The following MPZ variants were observed in gnomAD, a reference collection of about 807,000 sequenced individuals.
The protein encoded by MPZ is myelin protein zero.
Under a neutral mutation model 27.9 loss-of-function variants are expected in MPZ, and 13 were observed. The ratio of observed to expected loss-of-function variants is 0.47; its 90% CI spans 0.30 to 0.74. The LOEUF is 0.74. MPZ is among the 30% of genes least tolerant of loss of function. The probability of loss-of-function intolerance (pLI) is 0.06; values close to 1 mark genes in which losing one functional copy is unlikely to be tolerated. For missense variants in MPZ, 256 were observed against 317.5 expected, an observed-to-expected ratio of 0.81 and a Z score of 1.47; for synonymous variants, 118 against 128.9, an observed-to-expected ratio of 0.92 and a Z score of 0.57.
chr1:161,307,032 A>AAAAAAAAC, intron 2 of MPZ, 111 bp from the exon 3 acceptor site: 2 of 1,025,154 alleles, frequency 2.0e-6, no homozygotes, highest in Non-Finnish European at 2.8e-6. Flanking sequence ...AAAAAAAAAA[A>AAAAAAAAC]AAAAAAGCTT....
chr1:161,309,552 A>ATATATTTTTTTTTTTTTTTT, intron 1 of MPZ, among the ~76,000 whole-genome samples: 14 of 80,630 alleles, frequency 1.7e-4, no homozygotes, highest in African/African-American at 5.2e-4. Flanking sequence ...ATATATATAT[A>ATATATTTTTTTTTTTTTTTT]TTTTTTTTTT....
chr1:161,306,301 G>C, intron 4 of MPZ, 28 bp downstream of exon 4: 2 of 1,614,058 alleles, frequency 1.2e-6, no homozygotes, highest in South Asian at 1.1e-5. Context: ...TGGGGAGAGG[G>C]GGAGGGGAGC....
Position 161,306,843 on chromosome 1 carries a change from G to T in MPZ, c.313C>A (p.Pro105Thr), listed in dbSNP as rs121913609. The T allele has an allele frequency of 6.2e-7, 1 of 1,613,722 alleles. No homozygotes were observed. Among genetic ancestry groups the T allele is most frequent in the Non-Finnish European group, 8.5e-7 (1 of 1,179,972 alleles). ...ACAATGGAGCCATCCTTCCAGCGAG[G>T]GTCCCCTACCCACTGGATGCGCTCT... is the stretch of plus-strand genomic sequence containing the variant. The part of the protein sequence containing the change: ...FKERIQWVGD[P>T]RWKDGSIVIH... The change falls in exon 3 of 6, where the codon CCT becomes ACT. Residue 105 changes from proline (P) to threonine (T), a missense_variant. By Grantham distance (38) the Pro-to-Thr change is conservative. Coordinates refer to ENST00000533357, the MANE Select transcript of MPZ (RefSeq NM_000530.8).
In MPZ at chr1:161,305,838, A is replaced by ACCCCAAACCCCCCAACCCCCCCCCCGC; in HGVS notation, c.*37_*38insGCGGGGGGGGGGTTGGGGGGTTTGGGG. ...CACCTTTGGGCCTTTGGCGGACTCCACCCCTAACCCCCGATCCCCCGCCCG... is the reference window on the plus strand; with the variant it reads ...CACCTTTGGGCCTTTGGCGGACTCCACCCCAAACCCCCCAACCCCCCCCCCGCCCCCTAACCCCCGATCCCCCGCCCG... On this transcript the variant is annotated 3_prime_UTR_variant, in exon 6 of 6. Transcript: ENST00000533357. The ACCCCAAACCCCCCAACCCCCCCCCCGC allele has an allele frequency of 6.8e-7, 1 of 1,463,586 alleles. No individual in the cohort carries two copies. Among genetic ancestry groups the ACCCCAAACCCCCCAACCCCCCCCCCGC allele is most frequent in the Non-Finnish European group, 9.5e-7 (1 of 1,051,210 alleles). 90.7% of individuals were successfully genotyped at this position (1,463,586 alleles called of 1,614,324 possible). A position where few individuals can be genotyped will look rare whatever the true frequency, so the allele number is the denominator to read the frequency against.
chr1:161,306,286 G>A, intron 4 of MPZ, 43 bp downstream of exon 4: 1 of 1,613,632 alleles, frequency 6.2e-7, no homozygotes, highest in East Asian at 2.2e-5. Context: ...CCAGATGGGG[G>A]ATAGTGGGGA....
At chr1:161,309,552 A>ATATATATATATATATATATTTTTTTTTT in intron 1 of MPZ, among the ~76,000 whole-genome samples, 7 of 80,638 alleles carry the variant, frequency 8.7e-5, no homozygotes, top group African/African-American at 3.5e-4. Context: ...ATATATATAT[A>ATATATATATATATATATATTTTTTTTTT]TTTTTTTTTT....
At position 161,309,698 on chromosome 1, in the gene MPZ, T is replaced by C; in HGVS notation, c.67+141A>G. ...TGAGCCACCATGCCCAGCCGCATAT[T>C]TTTTCTTTCTGAATATAATGTCACC... On this transcript the variant is annotated intron_variant, in intron 1 of 5. Coordinates refer to ENST00000533357, the MANE Select transcript of MPZ (RefSeq NM_000530.8). The C allele has an allele frequency of 3.9e-6, 3 of 770,298 alleles. No homozygotes were observed. The East Asian group carries it at 8.1e-5, about 21-fold the overall frequency. The allele number at this position is 770,298 out of a possible 1,614,324, so 47.7% of individuals were successfully genotyped here.
intron 1 of MPZ, among the ~76,000 whole-genome samples, chr1:161,308,364 C>T (rs1286681419): frequency 3.3e-5 from 5 of 152,192 alleles, no homozygotes; most frequent in Non-Finnish European, 5.9e-5. Flanking sequence ...TCCTCACCTT[C>T]CTCTTGGCCA....
downstream of MPZ, chr1:161,304,633 A>C (rs1558152482): frequency 6.5e-6 from 1 of 152,760 alleles, no homozygotes; most frequent in Non-Finnish European, 1.5e-5. Flanking sequence ...CACCCCAAAA[A>C]AACAAACTAA....
chr1:161,304,821 T>TC lies in MPZ; in HGVS notation c.*1054dup, dbSNP rs1670186559. The TC allele has an allele frequency of 2.0e-5, 3 of 152,488 alleles. No homozygotes were observed. Among genetic ancestry groups the TC allele is most frequent in the Admixed American group, 2.0e-4 (3 of 15,252 alleles). 9.4% of individuals were successfully genotyped at this position (152,488 alleles called of 1,614,324 possible). On this transcript the variant is annotated 3_prime_UTR_variant, in exon 6 of 6. Coordinates refer to ENST00000533357, the MANE Select transcript of MPZ (RefSeq NM_000530.8). The stretch of plus-strand genomic sequence containing the variant: ...ACAGAATGTAGAAAAATCCTAAGAA[T>TC]CCCCTGTGGCTGCAGTGCAGCCTCT...
At position 161,305,820 on chromosome 1, in the gene MPZ, G is replaced by C. The variant is rs1670220976; in HGVS notation, c.*56C>G. 7.7e-7 allele frequency: 1 copy of C among 1,299,622 alleles called. No individual in the cohort carries two copies. The highest frequency in any genetic ancestry group is 1.3e-5 in the South Asian group (1 of 79,048). The allele number at this position is 1,299,622 out of a possible 1,614,324, so 80.5% of individuals were successfully genotyped here. A position where few individuals can be genotyped will look rare whatever the true frequency, so the allele number is the denominator to read the frequency against. On this transcript the variant is annotated 3_prime_UTR_variant, in exon 6 of 6. Coordinates refer to ENST00000533357, the MANE Select transcript of MPZ (RefSeq NM_000530.8). ...CTCCATCTCGATGACCATCACCTTTGGGCCTTTGGCGGACTCCACCCCTAA... is the reference window on the plus strand; with the variant it reads ...CTCCATCTCGATGACCATCACCTTTCGGCCTTTGGCGGACTCCACCCCTAA...
At position 161,305,636 on chromosome 1, in the gene MPZ, A is replaced by G. The variant is rs1670215475; in HGVS notation, c.*240T>C. The G allele has an allele frequency of 1.8e-6, 1 of 546,346 alleles. No individual in the cohort carries two copies. Among genetic ancestry groups the G allele is most frequent in the African/African-American group, 2.1e-5 (1 of 48,462 alleles). 33.8% of individuals were successfully genotyped at this position (546,346 alleles called of 1,614,324 possible). On this transcript the variant is annotated 3_prime_UTR_variant, in exon 6 of 6. Transcript: ENST00000533357. The stretch of plus-strand genomic sequence containing the variant: ...AAAGCACCTAGACGGGGGTAAGAGG[A>G]GCCTAGGTCCCCCTGCTCTGGCAGG...
Position 161,305,794 on chromosome 1 carries a change from G to C in MPZ, c.*82C>G. 9.7e-7 allele frequency: 1 copy of C among 1,034,690 alleles called. No individual in the cohort carries two copies. Among genetic ancestry groups the C allele is most frequent in the Non-Finnish European group, 1.5e-6 (1 of 686,092 alleles). The allele number at this position is 1,034,690 out of a possible 1,614,324, so 64.1% of individuals were successfully genotyped here. ...TCCGGGCTCTGCTCATCCTTTCGTA[G>C]CTCCATCTCGATGACCATCACCTTT... On this transcript the variant is annotated 3_prime_UTR_variant, in exon 6 of 6. Transcript: ENST00000533357.
intron 4 of MPZ, 22 bp from the exon 5 acceptor site, chr1:161,306,190 T>A: frequency 1.2e-6 from 2 of 1,614,092 alleles, no homozygotes; most frequent in Non-Finnish European, 1.7e-6. Context: ...GAGACTGCTG[T>A]ACGTTTGGCC....
At chr1:161,308,111 T>C (rs570986125) in intron 1 of MPZ, among the ~76,000 whole-genome samples, 3 of 152,190 alleles carry the variant, frequency 2.0e-5, no homozygotes, top group Non-Finnish European at 2.9e-5. Flanking sequence ...AACAGCTGCA[T>C]TGGATTTCAC....
At chr1:161,304,396 C>G (rs1670178313), downstream of MPZ, among the ~76,000 whole-genome samples, 1 of 152,168 alleles carries the variant, frequency 6.6e-6, no homozygotes, top group Admixed American at 6.5e-5. Context: ...AGTACATAAA[C>G]AAGCTTACCA....
chr1:161,305,838 A>ACCCCAAAACCCCCCTCCCCCCCCCCGC lies in MPZ; in HGVS notation c.*37_*38insGCGGGGGGGGGGAGGGGGGTTTTGGGG. 6.8e-7 allele frequency: 1 copy of ACCCCAAAACCCCCCTCCCCCCCCCCGC among 1,463,590 alleles called. No homozygotes were observed. Among genetic ancestry groups the ACCCCAAAACCCCCCTCCCCCCCCCCGC allele is most frequent in the Non-Finnish European group, 9.5e-7 (1 of 1,051,210 alleles). 90.7% of individuals were successfully genotyped at this position (1,463,590 alleles called of 1,614,324 possible). A position where few individuals can be genotyped will look rare whatever the true frequency, so the allele number is the denominator to read the frequency against. Reference sequence around the variant, plus strand: ...CACCTTTGGGCCTTTGGCGGACTCCACCCCTAACCCCCGATCCCCCGCCCG... The same window carrying ACCCCAAAACCCCCCTCCCCCCCCCCGC: ...CACCTTTGGGCCTTTGGCGGACTCCACCCCAAAACCCCCCTCCCCCCCCCCGCCCCCTAACCCCCGATCCCCCGCCCG... On this transcript the variant is annotated 3_prime_UTR_variant, in exon 6 of 6. Transcript: ENST00000533357.
chr1:161,307,015 A>AAAAAAAAAAAG, intron 2 of MPZ, 94 bp from the exon 3 acceptor site: 1 of 160,132 alleles, frequency 6.2e-6, no homozygotes, highest in African/African-American at 4.8e-5. Flanking sequence ...AGAAAAAAGC[A>AAAAAAAAAAAG]AAAAAAAAAA....
At chr1:161,308,652 C>T (rs1010235655) in intron 1 of MPZ, among the ~76,000 whole-genome samples, 1 of 152,178 alleles carries the variant, frequency 6.6e-6, no homozygotes, top group Non-Finnish European at 1.5e-5. Flanking sequence ...TGGGAATCCC[C>T]CTTGTTTAAC....
Sources: gnomAD v4.1 joint callset for allele counts (sites outside exome capture counted in the v4.1 genomes callset) on GRCh38, gnomAD v4.1.1 for gene constraint, MANE v1.5 for transcripts, NCBI Gene and HGNC (gene_info 2026-07-23, HGNC 2026-07-21) for gene names.